DTNA: variants seen among roughly 807,000 people sequenced by gnomAD.
DTNA encodes the protein dystrophin-related protein 3.
Under a neutral mutation model 100.7 loss-of-function variants are expected in DTNA, and 43 were observed. That is an observed-to-expected ratio of 0.43 (90% CI 0.33 to 0.55). The LOEUF (loss-of-function observed/expected upper bound fraction) is 0.55. Ranked by LOEUF, DTNA falls within the 20% of genes least tolerant of loss-of-function variation. DTNA has a pLI of 0.04. For synonymous variants in DTNA, 349 were observed against 347.9 expected, an observed-to-expected ratio of 1.00 and a Z score of -0.04; for missense variants, 798 against 953.9, an observed-to-expected ratio of 0.84 and a Z score of 2.15.
chr18:34,516,498 A>G (rs1372577849), intron 1 of DTNA, among the ~76,000 whole-genome samples: 1 of 152,002 alleles, frequency 6.6e-6, no homozygotes, highest in Non-Finnish European at 1.5e-5. Context: ...GGAATTTCCT[A>G]ATCCTAGTAA....
In DTNA at chr18:34,890,369, T is replaced by C; in HGVS notation, c.*2635T>C. The C allele has an allele frequency of 6.5e-7, 1 of 1,536,128 alleles. No homozygotes were observed. Among genetic ancestry groups the C allele is most frequent in the Admixed American group, 2.0e-5 (1 of 50,994 alleles). ...AAGCGAGACAAAATGGCGTGTGTTA[T>C]TTTGGGGTTTTGTGTTTTTTGGTGG... On this transcript the variant is annotated 3_prime_UTR_variant, in exon 23 of 23. Coordinates refer to ENST00000444659, the MANE Select transcript of DTNA (RefSeq NM_001386795.1).
chr18:34,574,668 T>G (rs10083935), intron 1 of DTNA: 15,575 of 152,246 alleles, frequency 0.1, 1,169 homozygotes, highest in African/African-American at 0.2. Flanking sequence ...AGTCTCTGTC[T>G]TCCAGGCTGG....
intron 1 of DTNA, among the ~76,000 whole-genome samples, chr18:34,642,913 C>T (rs2059454325): frequency 6.6e-6 from 1 of 152,164 alleles, no homozygotes; most frequent in Admixed American, 6.5e-5. Context: ...AATCTCTCTG[C>T]TTACAGAAAT....
At chr18:34,694,093 A>G (rs546971305) in intron 1 of DTNA, among the ~76,000 whole-genome samples, 5 of 152,234 alleles carry the variant, frequency 3.3e-5, no homozygotes, top group South Asian at 4.1e-4. Flanking sequence ...CTACACTGCT[A>G]TATCTCTTTG....
intron 4 of DTNA, among the ~76,000 whole-genome samples, chr18:34,802,976 T>C (rs1476645076): frequency 6.6e-6 from 1 of 152,176 alleles, no homozygotes; most frequent in Admixed American, 6.5e-5. Context: ...TAATGTTCTT[T>C]TAAAAAAGAT....
At chr18:34,733,314 T>C (rs1343493468) in intron 1 of DTNA, among the ~76,000 whole-genome samples, 1 of 152,238 alleles carries the variant, frequency 6.6e-6, no homozygotes, top group Non-Finnish European at 1.5e-5. Flanking sequence ...ATTAGTCTTC[T>C]GTCCATTCGA....
chr18:34,669,282 G>A (rs1246188011), intron 1 of DTNA, among the ~76,000 whole-genome samples: 1 of 152,146 alleles, frequency 6.6e-6, no homozygotes, highest in Non-Finnish European at 1.5e-5. Flanking sequence ...TTGCTTGGTA[G>A]ATCTTCCTCC....
intron 1 of DTNA, among the ~76,000 whole-genome samples, chr18:34,641,728 G>A (rs2059302565): frequency 6.6e-6 from 1 of 152,152 alleles, no homozygotes; most frequent in African/African-American, 2.4e-5. Flanking sequence ...AACAGAGCTG[G>A]GGAATTCTCC....
chr18:34,747,570 A>G (rs1280598109), intron 1 of DTNA, among the ~76,000 whole-genome samples: 1 of 152,138 alleles, frequency 6.6e-6, no homozygotes, highest in Non-Finnish European at 1.5e-5. Context: ...CTTAGCTCCC[A>G]CTTAGAAGTG....
At chr18:34,556,792 C>G (rs912139069) in intron 1 of DTNA, among the ~76,000 whole-genome samples, 2 of 151,910 alleles carry the variant, frequency 1.3e-5, no homozygotes, top group African/African-American at 4.8e-5. Flanking sequence ...TTCTCTCTGG[C>G]TGCCCTTAAC....
At chr18:34,548,232 C>T (rs2045015048) in intron 1 of DTNA, among the ~76,000 whole-genome samples, 1 of 152,018 alleles carries the variant, frequency 6.6e-6, no homozygotes, top group Non-Finnish European at 1.5e-5. Flanking sequence ...TTTAGGCCTA[C>T]CCTGTCTCAA....
At chr18:34,676,976 A>G (rs1005130341) in intron 1 of DTNA, among the ~76,000 whole-genome samples, 12 of 152,172 alleles carry the variant, frequency 7.9e-5, no homozygotes, top group African/African-American at 2.9e-4. Context: ...GCAGCTTGGG[A>G]AGCTGCCACC....
intron 1 of DTNA, among the ~76,000 whole-genome samples, chr18:34,516,036 AT>A (rs2041573730): frequency 6.6e-6 from 1 of 152,144 alleles, no homozygotes; most frequent in African/African-American, 2.4e-5. Flanking sequence ...CATGCTTGAA[AT>A]TTTAACTAAT....
At chr18:34,783,520 C>T (rs1486361578) in intron 3 of DTNA, among the ~76,000 whole-genome samples, 1 of 152,120 alleles carries the variant, frequency 6.6e-6, no homozygotes, top group Non-Finnish European at 1.5e-5. Context: ...AGAGAACTAC[C>T]TTGGAGATAA....
chr18:34,781,378 T>C (rs954953959), intron 3 of DTNA, among the ~76,000 whole-genome samples: 2 of 152,240 alleles, frequency 1.3e-5, no homozygotes, highest in African/African-American at 2.4e-5. Context: ...TACATACTTA[T>C]CATTTCTTTG....
chr18:34,586,194 C>T (rs565395336), intron 1 of DTNA, among the ~76,000 whole-genome samples: 5 of 152,332 alleles, frequency 3.3e-5, no homozygotes, highest in African/African-American at 1.2e-4. Context: ...TGGAGAAAAA[C>T]TGTTCCCAAA....
At chr18:34,645,401 G>C (rs1407640879) in intron 1 of DTNA, among the ~76,000 whole-genome samples, 3 of 152,050 alleles carry the variant, frequency 2.0e-5, no homozygotes, top group African/African-American at 7.2e-5. Context: ...AATGTTATTC[G>C]TCCCACCTTG....
At chr18:34,520,919 T>G (rs1478915850) in intron 1 of DTNA, among the ~76,000 whole-genome samples, 1 of 152,114 alleles carries the variant, frequency 6.6e-6, no homozygotes, top group African/African-American at 2.4e-5. Flanking sequence ...TATATCAAAC[T>G]CCTTCCTAAA....
chr18:34,827,523 A>T, intron 9 of DTNA, 70 bp from the exon 10 acceptor site: 1 of 1,428,598 alleles, frequency 7.0e-7, no homozygotes, highest in Admixed American at 1.7e-5. Flanking sequence ...TCCTGGAGGG[A>T]TGAGGGAGAG....
Sources: gnomAD v4.1 joint callset for allele counts (sites outside exome capture counted in the v4.1 genomes callset) on GRCh38, gnomAD v4.1.1 for gene constraint, MANE v1.5 for transcripts, NCBI Gene and HGNC (gene_info 2026-07-23, HGNC 2026-07-21) for gene names.